MAGI2: variants seen among roughly 807,000 people sequenced by gnomAD.
MAGI2 encodes membrane-associated guanylate kinase, WW and PDZ domain-containing protein 2.
In MAGI2, 35 loss-of-function variants were observed where a neutral mutation model predicts 133.3. The ratio of observed to expected loss-of-function variants is 0.26; its 90% CI spans 0.20 to 0.35. The LOEUF is 0.35. Among genes scored for constraint, MAGI2 ranks in the 10% least tolerant of loss-of-function variants. The pLI is 1.00. For missense variants in MAGI2, 1,636 were observed against 1,863.4 expected, an observed-to-expected ratio of 0.88 and a Z score of 2.25; for synonymous variants, 729 against 710.6, an observed-to-expected ratio of 1.03 and a Z score of -0.41.
intron 1 of MAGI2, among the ~76,000 whole-genome samples, chr7:79,265,196 C>G (rs915763492): frequency 1.3e-5 from 2 of 152,150 alleles, no homozygotes; most frequent in East Asian, 1.9e-4. Flanking sequence ...CACCTGAGAA[C>G]TTGTTAAAAA....
chr7:78,443,871 C>T (rs989224091), intron 6 of MAGI2, among the ~76,000 whole-genome samples: 4 of 152,034 alleles, frequency 2.6e-5, no homozygotes, highest in African/African-American at 9.7e-5. Flanking sequence ...AGAACATGAC[C>T]TGTCATTCCT....
At chr7:78,480,321 A>G (rs1397840388) in intron 6 of MAGI2, among the ~76,000 whole-genome samples, 4 of 151,872 alleles carry the variant, frequency 2.6e-5, no homozygotes, top group Admixed American at 6.6e-5. Context: ...AGGAATGCTT[A>G]TCTACTCATT....
At chr7:79,058,738 T>C (rs1461206226) in intron 1 of MAGI2, among the ~76,000 whole-genome samples, 2 of 152,188 alleles carry the variant, frequency 1.3e-5, no homozygotes, top group South Asian at 2.1e-4. Context: ...AAATATACAC[T>C]GCTGGAAAAA....
At chr7:79,227,748 T>C (rs899235192) in intron 1 of MAGI2, among the ~76,000 whole-genome samples, 2 of 152,212 alleles carry the variant, frequency 1.3e-5, no homozygotes, top group Non-Finnish European at 2.9e-5. Context: ...CTTGATCTGT[T>C]TTTATCTTTT....
chr7:79,363,424 T>C (rs955218125), intron 1 of MAGI2, among the ~76,000 whole-genome samples: 1 of 149,868 alleles, frequency 6.7e-6, no homozygotes, highest in African/African-American at 2.4e-5. Flanking sequence ...AAAATTACTA[T>C]CAAAATTCCA....
chr7:78,088,672 T>G (rs1234819744), intron 20 of MAGI2, among the ~76,000 whole-genome samples: 1 of 152,058 alleles, frequency 6.6e-6, no homozygotes, highest in Non-Finnish European at 1.5e-5. Flanking sequence ...TGTCTACAGC[T>G]GGAGCTGTAG....
At chr7:78,058,841 C>T (rs1459601744) in intron 21 of MAGI2, among the ~76,000 whole-genome samples, 1 of 152,200 alleles carries the variant, frequency 6.6e-6, no homozygotes, top group East Asian at 1.9e-4. Flanking sequence ...AAAGGTTGCA[C>T]AGCTAGTTAA....
intron 10 of MAGI2, among the ~76,000 whole-genome samples, chr7:78,217,378 G>A (rs573455865): frequency 6.8e-4 from 103 of 152,292 alleles, no homozygotes; most frequent in Non-Finnish European, 1.0e-3. Context: ...TCCTAGCACA[G>A]TACCTAGTGT....
At chr7:79,050,837 G>T (rs546810092) in intron 1 of MAGI2, among the ~76,000 whole-genome samples, 4 of 152,240 alleles carry the variant, frequency 2.6e-5, no homozygotes, top group Non-Finnish European at 5.9e-5. Context: ...TTCAGTTTTC[G>T]CATTGAGAAA....
At chr7:79,126,802 T>G (rs1820446714) in intron 1 of MAGI2, among the ~76,000 whole-genome samples, 1 of 151,428 alleles carries the variant, frequency 6.6e-6, no homozygotes, top group Admixed American at 6.6e-5. Context: ...ATTAAATAAT[T>G]TATTATTATT....
chr7:78,598,210 C>CA (rs1804818507), intron 3 of MAGI2, among the ~76,000 whole-genome samples: 1 of 152,002 alleles, frequency 6.6e-6, no homozygotes, highest in South Asian at 2.1e-4. Flanking sequence ...TATATTCTTT[C>CA]AAGGATTGTA....
chr7:79,002,119 C>A (rs1416708612), intron 2 of MAGI2, among the ~76,000 whole-genome samples: 2 of 129,304 alleles, frequency 1.5e-5, no homozygotes, highest in African/African-American at 5.9e-5. Flanking sequence ...TCACAGGCTT[C>A]TTCTTCTTCT....
chr7:78,620,432 A>C (rs1325546008), intron 3 of MAGI2, among the ~76,000 whole-genome samples: 1 of 152,022 alleles, frequency 6.6e-6, no homozygotes, highest in Non-Finnish European at 1.5e-5. Context: ...AGCAGTGTTT[A>C]GCTTAATTGC....
chr7:79,429,448 G>A (rs7801286), intron 1 of MAGI2, among the ~76,000 whole-genome samples: 59,571 of 151,700 alleles, frequency 0.39, 12,085 homozygotes, highest in Middle Eastern at 0.5. Flanking sequence ...GATTTCAGGC[G>A]TGTGCCACCA....
At chr7:79,037,122 A>C (rs893745824) in intron 1 of MAGI2, among the ~76,000 whole-genome samples, 1 of 152,182 alleles carries the variant, frequency 6.6e-6, no homozygotes, top group Non-Finnish European at 1.5e-5. Flanking sequence ...TAAGCGAAGC[A>C]GTTTCCTCAC....
At chr7:78,239,959 T>C (rs1267376704) in intron 10 of MAGI2, among the ~76,000 whole-genome samples, 3 of 151,766 alleles carry the variant, frequency 2.0e-5, no homozygotes, top group Admixed American at 2.0e-4. Flanking sequence ...ACTCCCATGT[T>C]TATTTTTTTT....
intron 1 of MAGI2, among the ~76,000 whole-genome samples, chr7:79,304,193 GTGTGTGTGTC>G (rs1837596216): frequency 5.0e-5 from 1 of 20,098 alleles, no homozygotes; most frequent in Non-Finnish European, 1.9e-4. Context: ...GTGTGTGTGT[GTGTGTGTGTC>G]TGTGTGTGTG....
At chr7:79,097,614 G>A (rs1053530872) in intron 1 of MAGI2, among the ~76,000 whole-genome samples, 1 of 152,174 alleles carries the variant, frequency 6.6e-6, no homozygotes, top group South Asian at 2.1e-4. Flanking sequence ...GAAATAAGGT[G>A]TATCTACTGA....
intron 6 of MAGI2, among the ~76,000 whole-genome samples, chr7:78,401,087 C>G (rs1195959040): frequency 1.3e-5 from 2 of 151,536 alleles, no homozygotes; most frequent in African/African-American, 4.9e-5. Flanking sequence ...ATAAAATTTT[C>G]TAACTCTCAA....
Sources: gnomAD v4.1 joint callset for allele counts (sites outside exome capture counted in the v4.1 genomes callset) on GRCh38, gnomAD v4.1.1 for gene constraint, MANE v1.5 for transcripts, NCBI Gene and HGNC (gene_info 2026-07-23, HGNC 2026-07-21) for gene names.